The following SEL1L3 variants were observed in gnomAD, a reference collection of about 807,000 sequenced individuals.
The protein encoded by SEL1L3 is SEL1L family member 3, also known as protein sel-1 homolog 3.
In SEL1L3, 76 loss-of-function variants were observed where a neutral mutation model predicts 142.8. That is an observed-to-expected ratio of 0.53 (90% CI 0.44 to 0.64). The LOEUF (loss-of-function observed/expected upper bound fraction) is 0.64. SEL1L3 is among the 30% of genes least tolerant of loss of function. The pLI, the probability that SEL1L3 is intolerant of heterozygous loss-of-function variation, is 0.00. For synonymous variants in SEL1L3, 504 were observed against 519.6 expected, an observed-to-expected ratio of 0.97 and a Z score of 0.41; for missense variants, 1,262 against 1,381.7, an observed-to-expected ratio of 0.91 and a Z score of 1.37.
intron 9 of SEL1L3, among the ~76,000 whole-genome samples, chr4:25,810,053 T>C (rs1713912558): frequency 6.6e-6 from 1 of 152,166 alleles, no homozygotes; most frequent in Admixed American, 6.5e-5. Context: ...CAGGCAGTGG[T>C]CCTGAAAGGG....
At chr4:25,757,043 A>T (rs1402009664) in intron 23 of SEL1L3, 1 of 911,064 alleles carries the variant, frequency 1.1e-6, no homozygotes, top group African/African-American at 1.8e-5. Flanking sequence ...TGAGGCAGCC[A>T]GATCACCTGA....
In SEL1L3 at chr4:25,748,195, C is replaced by T. The variant is rs1325741611; in HGVS notation, c.*230G>A. Reference sequence around the variant, plus strand: ...GGCCCAGTAAACTTCCCCACATGCCCTATGATCAAGATGTTCCTTGTATGT... The same window carrying T: ...GGCCCAGTAAACTTCCCCACATGCCTTATGATCAAGATGTTCCTTGTATGT... On this transcript the variant is annotated 3_prime_UTR_variant, in exon 24 of 24. Transcript: ENST00000399878. The T allele has an allele frequency of 5.8e-6, 3 of 517,516 alleles. No individual in the cohort carries two copies. Among genetic ancestry groups the T allele is most frequent in the African/African-American group, 1.9e-5 (1 of 52,204 alleles). The allele number at this position is 517,516 out of a possible 1,614,324, so 32.1% of individuals were successfully genotyped here. A position where few individuals can be genotyped will look rare whatever the true frequency, so the allele number is the denominator to read the frequency against.
chr4:25,756,409 GT>G (rs1717962052), intron 23 of SEL1L3: 1 of 984,756 alleles, frequency 1.0e-6, no homozygotes, highest in Non-Finnish European at 1.2e-6. Context: ...TATTGAGAAG[GT>G]TTTATATGCC....
At chr4:25,789,596 A>C (rs1712142878) in intron 12 of SEL1L3, among the ~76,000 whole-genome samples, 2 of 151,782 alleles carry the variant, frequency 1.3e-5, no homozygotes, top group South Asian at 4.2e-4. Flanking sequence ...AAAAAAAAAA[A>C]AAAAAAAAGC....
At chr4:25,776,026 T>G (rs1719591556) in intron 17 of SEL1L3, among the ~76,000 whole-genome samples, 1 of 152,216 alleles carries the variant, frequency 6.6e-6, no homozygotes, top group South Asian at 2.1e-4. Context: ...AATCAATGTA[T>G]TTGTATATCT....
the SEL1L3 span, among the ~76,000 whole-genome samples, chr4:25,733,500 TA>T: frequency 9.9e-5 from 15 of 150,902 alleles, no homozygotes; most frequent in East Asian, 2.9e-3. Flanking sequence ...GTTGTTATAG[TA>T]TTTTTTTTTT....
rs1232958175 is a variant in SEL1L3 at position 25,759,079 on chromosome 4, G to T, written c.2956-11C>A. The T allele has an allele frequency of 1.2e-6, 2 of 1,612,204 alleles. No individual in the cohort carries two copies. Among genetic ancestry groups the T allele is most frequent in the Admixed American group, 1.7e-5 (1 of 59,760 alleles). On this transcript the variant is annotated splice_polypyrimidine_tract_variant and intron_variant, in intron 20 of 23. Coordinates refer to ENST00000399878, the MANE Select transcript of SEL1L3 (RefSeq NM_015187.5). ...CAGGTTAAAAAATCCCTAAAAACAA[G>T]CCACAAACCAAACTCATCAAATCCT...
At chr4:25,715,344 T>C in the SEL1L3 span, among the ~76,000 whole-genome samples, 2 of 152,130 alleles carry the variant, frequency 1.3e-5, no homozygotes, top group African/African-American at 2.4e-5. Flanking sequence ...AAAATTATAT[T>C]TTTTAAAAAA....
chr4:25,833,143 CA>C (rs772108631), intron 4 of SEL1L3, 33 bp from the exon 5 acceptor site: 4 of 1,179,072 alleles, frequency 3.4e-6, no homozygotes, highest in Admixed American at 1.7e-5. Flanking sequence ...TGAAAATGAG[CA>C]AAAAATATCT....
intron 2 of SEL1L3, among the ~76,000 whole-genome samples, chr4:25,840,110 T>G (rs1716074514): frequency 6.6e-6 from 1 of 152,216 alleles, no homozygotes; most frequent in East Asian, 1.9e-4. Flanking sequence ...TGAGCCTCGG[T>G]TTTCCTCTTT....
the SEL1L3 span, among the ~76,000 whole-genome samples, chr4:25,732,561 T>G: frequency 6.6e-6 from 1 of 152,184 alleles, no homozygotes; most frequent in African/African-American, 2.4e-5. Context: ...TCAATGAGGT[T>G]TTAATTTTCA....
intron 2 of SEL1L3, among the ~76,000 whole-genome samples, chr4:25,846,912 C>CAAAA (rs71184268): frequency 1.4e-4 from 10 of 71,672 alleles, no homozygotes; most frequent in East Asian, 4.2e-4. Flanking sequence ...GACTCCATCT[C>CAAAA]AAAAAAAAAA....
At chr4:25,858,847 G>A (rs1308863573) in intron 1 of SEL1L3, among the ~76,000 whole-genome samples, 1 of 152,164 alleles carries the variant, frequency 6.6e-6, no homozygotes, top group Non-Finnish European at 1.5e-5. Context: ...GCCTCCCAAA[G>A]TGCTGTGATT....
chr4:25,802,183 C>T (rs1713226404), intron 11 of SEL1L3, 100 bp downstream of exon 11: 2 of 1,043,692 alleles, frequency 1.9e-6, no homozygotes, highest in East Asian at 5.1e-5. Flanking sequence ...TTATGTTCAA[C>T]CTCTGAAGGC....
intron 11 of SEL1L3, among the ~76,000 whole-genome samples, chr4:25,798,281 C>A (rs148669673): frequency 1.4e-3 from 209 of 152,280 alleles, no homozygotes; most frequent in African/African-American, 4.9e-3. Context: ...GAATGGGCAG[C>A]TCAGAAGTTC....
rs767070478 is a variant in SEL1L3 at position 25,819,862 on chromosome 4, T to A, written c.1369A>T (p.Ile457Leu). 25 of 1,613,720 alleles carry A rather than the reference T, an allele frequency of 1.5e-5. 1 individual carries two copies. Among genetic ancestry groups the A allele is most frequent in the African/African-American group, 1.1e-4 (8 of 75,048 alleles). The change falls in exon 8 of 24, where the codon ATA becomes TTA. Residue 457 changes from isoleucine to leucine, a missense_variant. Physicochemically the swap from Ile to Leu is conservative, Grantham distance 5. Around this residue, in one of 3 missense-constraint regions of SEL1L3, gnomAD observed 689 missense variants for 692.8 expected, o/e 0.99. Transcript: ENST00000399878. The part of the protein sequence containing the change: ...YYERCAEVQE[I>L]VSVYASAAKH... ...GCTGCAGATGCATACACAGATACTA[T>A]TTCTTGAACCTCAGCACACCTTTCA... is the stretch of plus-strand genomic sequence containing the variant.
intron 9 of SEL1L3, among the ~76,000 whole-genome samples, chr4:25,809,060 G>A (rs1266553225): frequency 2.1e-5 from 3 of 139,586 alleles, no homozygotes; most frequent in Middle Eastern, 3.7e-3. Flanking sequence ...GCGACAGAGT[G>A]AGACTCTGTC....
chr4:25,815,167 G>C (rs754915621), intron 9 of SEL1L3, among the ~76,000 whole-genome samples: 1 of 152,172 alleles, frequency 6.6e-6, no homozygotes, highest in African/African-American at 2.4e-5. Flanking sequence ...ATGGTCCCTC[G>C]GGGGAAGCTC....
At chr4:25,778,867 G>A (rs1017821569) in intron 16 of SEL1L3, among the ~76,000 whole-genome samples, 1 of 152,062 alleles carries the variant, frequency 6.6e-6, no homozygotes, top group Non-Finnish European at 1.5e-5. Context: ...ATGAAGTGAG[G>A]TAGGCAAGGA....
Sources: allele counts gnomAD v4.1 joint callset (sites outside exome capture counted in the v4.1 genomes callset), GRCh38; gene constraint gnomAD v4.1.1; regional missense constraint gnomAD v4.1.1; transcripts MANE v1.5; gene names NCBI Gene and HGNC (gene_info 2026-07-23, HGNC 2026-07-21).